Variants in TRIOBP observed in about 807,000 individuals in gnomAD.
The protein encoded by TRIOBP is TRIO and F-actin-binding protein.
TRIOBP carries 169 observed loss-of-function variants against 238.8 expected under a neutral mutation model. That is an observed-to-expected ratio of 0.71 (90% CI 0.62 to 0.80). The LOEUF (loss-of-function observed/expected upper bound fraction) is 0.80, where lower values mean the gene tolerates loss of function less well. Among genes scored for constraint, TRIOBP ranks in the 30% least tolerant of loss-of-function variants. The pLI, the probability that TRIOBP is intolerant of heterozygous loss-of-function variation, is 0.00. For synonymous variants in TRIOBP, 1,150 were observed against 1,274.4 expected (o/e 0.90, Z 2.08); for missense variants, 2,838 against 3,122.6 (o/e 0.91, Z 2.17).
At chr22:37,705,964 G>T (rs1922924864) in intron 3 of TRIOBP, among the ~76,000 whole-genome samples, 1 of 152,148 alleles carries the variant, frequency 6.6e-6, no homozygotes, top group East Asian at 1.9e-4. Context: ...GAGAATGGAG[G>T]GCAGGGTGGT....
chr22:37,744,606 G>A (rs1569050796), intron 11 of TRIOBP, among the ~76,000 whole-genome samples: 2 of 152,162 alleles, frequency 1.3e-5, no homozygotes, highest in Non-Finnish European at 2.9e-5. Flanking sequence ...CCAGGGCACT[G>A]GACCAGGACC....
intron 17 of TRIOBP, 77 bp downstream of exon 17, chr22:37,759,341 T>G: frequency 2.1e-6 from 3 of 1,459,950 alleles, no homozygotes; most frequent in Non-Finnish European, 1.9e-6. Flanking sequence ...AGCTGAGATT[T>G]TGGGAGCCCT....
At chr22:37,738,994 C>T (rs772233644) in intron 10 of TRIOBP, among the ~76,000 whole-genome samples, 4 of 152,108 alleles carry the variant, frequency 2.6e-5, no homozygotes, top group East Asian at 1.9e-4. Context: ...TCTTTCCCTG[C>T]GCAAATGATG....
rs6000880 is a variant in TRIOBP at position 37,756,854 on chromosome 22, C to T, written c.5688-759C>T. Among the ~76,000 whole-genome samples the T allele has an allele frequency of 6.8e-3, 1,036 of 152,322 alleles. 12 individuals carry two copies. Among genetic ancestry groups the T allele is most frequent in the African/African-American group, 0.023 (967 of 41,562 alleles). Reference sequence around the variant, plus strand: ...TCTGCAACTTGTGTTCTGTGCACCCCGAGGTCCCGCCTTCACCCCATCAGC... The same window carrying T: ...TCTGCAACTTGTGTTCTGTGCACCCTGAGGTCCCGCCTTCACCCCATCAGC... On this transcript the variant is annotated intron_variant, in intron 15 of 23. Coordinates refer to ENST00000644935, the MANE Select transcript of TRIOBP (RefSeq NM_001039141.3).
At position 37,723,859 on chromosome 22, in the gene TRIOBP, C is replaced by A; in HGVS notation, c.1303C>A (p.Arg435=). Residue 435 remains arginine, a synonymous_variant, in exon 7 of 24, where the codon CGG becomes AGG. Coordinates refer to ENST00000644935, the MANE Select transcript of TRIOBP (RefSeq NM_001039141.3). The part of the protein sequence containing the change: ...RDNPRTSCAQ[R]DNPRASSPSR... ...CAACCCCAGAACATCCTGCGCCCAG[C>A]GGGACAATCCCAGAGCCTCCTCTCC... is the stretch of plus-strand genomic sequence containing the variant. 6.3e-7 allele frequency: 1 copy of A among 1,594,764 alleles called. No homozygotes were observed. Among genetic ancestry groups the A allele is most frequent in the Non-Finnish European group, 8.6e-7 (1 of 1,167,686 alleles).
At chr22:37,700,290 G>A (rs1252197125) in intron 2 of TRIOBP, among the ~76,000 whole-genome samples, 1 of 130,958 alleles carries the variant, frequency 7.6e-6, no homozygotes, top group African/African-American at 2.8e-5. Context: ...TTTTTGAGAT[G>A]TGGTCTTGCT....
intron 19 of TRIOBP, 78 bp from the exon 20 acceptor site, chr22:37,768,950 T>G: frequency 6.2e-7 from 1 of 1,605,184 alleles, no homozygotes; most frequent in South Asian, 1.1e-5. Flanking sequence ...CTGGGATGCT[T>G]TAAGTCTACC....
chr22:37,759,415 A>G, intron 17 of TRIOBP, 151 bp downstream of exon 17: 2 of 1,295,908 alleles, frequency 1.5e-6, no homozygotes, highest in Non-Finnish European at 2.2e-6. Flanking sequence ...CTCTCCCCAC[A>G]GCTGGTGGGC....
intron 21 of TRIOBP, among the ~76,000 whole-genome samples, 195 bp downstream of exon 21, chr22:37,769,570 C>T (rs947436641): frequency 1.3e-5 from 2 of 152,250 alleles, no homozygotes; most frequent in Admixed American, 1.3e-4. Context: ...CATTGTGTCA[C>T]CTACCTGCCG....
chr22:37,735,022 G>A lies in TRIOBP; in HGVS notation c.4686G>A (p.Leu1562=). 2 of 1,610,128 alleles carry A rather than the reference G, an allele frequency of 1.2e-6. No homozygotes were observed. Among genetic ancestry groups the A allele is most frequent in the Non-Finnish European group, 1.7e-6 (2 of 1,177,318 alleles). Reference sequence around the variant, plus strand: ...GACCCGAGCTTGACTGGAGGGATCTGCTTGGCCTTCTCCGGGCACCAGGAG... The same window carrying A: ...GACCCGAGCTTGACTGGAGGGATCTACTTGGCCTTCTCCGGGCACCAGGAG... ...ERRPELDWRD[L]LGLLRAPGEG... The change falls in exon 9 of 24, where the codon CTG becomes CTA. Residue 1562 remains leucine, a synonymous_variant. Coordinates refer to ENST00000644935, the MANE Select transcript of TRIOBP (RefSeq NM_001039141.3).
intron 7 of TRIOBP, among the ~76,000 whole-genome samples, chr22:37,730,775 C>T (rs548972311): frequency 7.2e-5 from 11 of 151,932 alleles, no homozygotes; most frequent in East Asian, 3.9e-4. Context: ...GGTGAAACCC[C>T]GTCTCTACTA....
chr22:37,764,777 C>T (rs1031840939), intron 17 of TRIOBP, among the ~76,000 whole-genome samples: 2 of 152,230 alleles, frequency 1.3e-5, no homozygotes, highest in Admixed American at 1.3e-4. Flanking sequence ...TCATCAGTTT[C>T]AGCTCATTTA....
intron 9 of TRIOBP, 100 bp from the exon 10 acceptor site, chr22:37,738,542 T>C: frequency 9.0e-7 from 1 of 1,105,000 alleles, no homozygotes; most frequent in Non-Finnish European, 1.4e-6. Context: ...GTTAGATGGG[T>C]GTTGCATGGA....
intron 17 of TRIOBP, among the ~76,000 whole-genome samples, chr22:37,760,808 T>C (rs879604390): frequency 2.6e-5 from 4 of 151,978 alleles, no homozygotes; most frequent in Non-Finnish European, 5.9e-5. Flanking sequence ...ACTCCGTCTC[T>C]AATAAAATAC....
chr22:37,736,927 TAA>T (rs749555710), intron 9 of TRIOBP, among the ~76,000 whole-genome samples: 57 of 152,204 alleles, frequency 3.7e-4, no homozygotes, highest in Non-Finnish European at 3.2e-4. Flanking sequence ...ATGCCCGGCC[TAA>T]GTCTGTGCTT....
chr22:37,720,028 A>G (rs1601628070), intron 6 of TRIOBP, among the ~76,000 whole-genome samples: 1 of 28,180 alleles, frequency 3.5e-5, no homozygotes, highest in Non-Finnish European at 7.0e-5. Flanking sequence ...TTTTTTTTTG[A>G]GACAGAGTTT....
chr22:37,710,459 C>G lies in TRIOBP; in HGVS notation c.147C>G (p.Pro49=). 2 of 1,613,510 alleles carry G rather than the reference C, an allele frequency of 1.2e-6. No homozygotes were observed. The highest frequency in any genetic ancestry group is 1.7e-6 in the Non-Finnish European group (2 of 1,179,990). ...GGAGCCCTTCAGGTGCTGAGGTGCC[C>G]TACTGCGACCTGCCTCGATGTCCAC... The part of the protein sequence containing the change: ...ELRSPSGAEV[P]YCDLPRCPPA... The change falls in exon 4 of 24, where the codon CCC becomes CCG. Residue 49 remains proline (P), a synonymous_variant. Coordinates refer to ENST00000644935, the MANE Select transcript of TRIOBP (RefSeq NM_001039141.3).
intron 10 of TRIOBP, among the ~76,000 whole-genome samples, chr22:37,739,048 G>T (rs1924814688): frequency 6.6e-6 from 1 of 152,176 alleles, no homozygotes; most frequent in African/African-American, 2.4e-5. Context: ...CTTCCGGTTT[G>T]AAAGGGCCAG....
intron 12 of TRIOBP, among the ~76,000 whole-genome samples, chr22:37,752,871 T>G (rs1229422039): frequency 2.6e-5 from 4 of 152,116 alleles, no homozygotes; most frequent in African/African-American, 7.2e-5. Context: ...CCCAACCCCT[T>G]GGTGCACAGA....
Sources: allele counts gnomAD v4.1 joint callset (sites outside exome capture counted in the v4.1 genomes callset), GRCh38; gene constraint gnomAD v4.1.1; transcripts MANE v1.5; gene names NCBI Gene and HGNC (gene_info 2026-07-23, HGNC 2026-07-21).